Variants in IFNAR2 observed in about 807,000 individuals in gnomAD.
The protein encoded by IFNAR2 is interferon alpha and beta receptor subunit 2, also known as interferon alpha/beta receptor 2.
A neutral mutation model predicts 49.4 loss-of-function variants in IFNAR2; 30 were observed. The observed-to-expected ratio is 0.61, with a 90% CI of 0.45 to 0.82. The LOEUF is 0.82. Among genes scored for constraint, IFNAR2 ranks in the 40% least tolerant of loss-of-function variants. The pLI is 0.00. For synonymous variants in IFNAR2, 224 were observed against 234.5 expected (o/e 0.96, Z 0.41); for missense variants, 600 against 622.7 (o/e 0.96, Z 0.39).
chr21:33,256,189 C>T (rs1197968453), intron 7 of IFNAR2, among the ~76,000 whole-genome samples: 1 of 152,184 alleles, frequency 6.6e-6, no homozygotes, highest in Non-Finnish European at 1.5e-5. Flanking sequence ...TCTCCCCTGA[C>T]TCTTTTCCAT....
Position 33,230,398 on chromosome 21 carries a change from C to T in IFNAR2, c.-84+182C>T. On this transcript the variant is annotated intron_variant, in intron 1 of 8. Coordinates refer to ENST00000342136, the MANE Select transcript of IFNAR2 (RefSeq NM_001289125.3). This position sits in a 1 kb window ranked among gnomAD's most constrained non-coding sequence, Gnocchi z 5.5. Reference sequence around the variant, plus strand: ...TATGCGGCTAGTGCGCCCTTCCTCTCTCCCGGGGCCGCACCTGCGACCCCA... The same window carrying T: ...TATGCGGCTAGTGCGCCCTTCCTCTTTCCCGGGGCCGCACCTGCGACCCCA... The T allele has an allele frequency of 1.9e-6, 1 of 522,382 alleles. No individual in the cohort carries two copies. The allele number at this position is 522,382 out of a possible 1,614,324, so 32.4% of individuals were successfully genotyped here. A position where few individuals can be genotyped will look rare whatever the true frequency, so the allele number is the denominator to read the frequency against.
At position 33,253,717 on chromosome 21, in the gene IFNAR2, C is replaced by T. The variant is rs144243035; in HGVS notation, c.709+887C>T. On this transcript the variant is annotated intron_variant, in intron 7 of 8. Transcript: ENST00000342136. ...TTTATGATTATTTCTTGATGATATG[C>T]TAAACAAGGGGTGGATTATTCATGC... 5.3e-3 allele frequency among the ~76,000 whole-genome samples: 801 copies of T among 152,294 alleles called. 9 individuals are homozygous for T. The highest frequency in any genetic ancestry group is 0.019 in the African/African-American group (775 of 41,572).
intron 5 of IFNAR2, among the ~76,000 whole-genome samples, chr21:33,248,022 G>A (rs1243098959): frequency 1.3e-5 from 2 of 152,158 alleles, no homozygotes; most frequent in Non-Finnish European, 2.9e-5. Flanking sequence ...GTTAAAGAAT[G>A]CATATTAAAG....
intron 7 of IFNAR2, among the ~76,000 whole-genome samples, chr21:33,256,260 G>A (rs1012626723): frequency 2.6e-5 from 4 of 152,134 alleles, no homozygotes; most frequent in Non-Finnish European, 2.9e-5. Flanking sequence ...TTTACTTGGC[G>A]TGAATGCGTC....
At chr21:33,255,300 C>A (rs909667968) in intron 7 of IFNAR2, among the ~76,000 whole-genome samples, 1 of 152,056 alleles carries the variant, frequency 6.6e-6, no homozygotes, top group Admixed American at 6.6e-5. Context: ...TAGCACAGAC[C>A]CCACAGGTTA....
At chr21:33,249,947 C>G (rs1881941383) in intron 6 of IFNAR2, among the ~76,000 whole-genome samples, 1 of 152,026 alleles carries the variant, frequency 6.6e-6, no homozygotes, top group African/African-American at 2.4e-5. Context: ...GTGGCTGGAC[C>G]TGGTAGGAGT....
intron 4 of IFNAR2, among the ~76,000 whole-genome samples, chr21:33,245,487 C>T (rs904503281): frequency 6.6e-6 from 1 of 152,246 alleles, no homozygotes; most frequent in African/African-American, 2.4e-5. Context: ...CTTTTCTTTA[C>T]TCTGGTGGGA....
intron 2 of IFNAR2, among the ~76,000 whole-genome samples, chr21:33,242,758 CGTGTGT>C (rs375640331): frequency 0.059 from 4,543 of 76,448 alleles, 597 homozygotes; most frequent in East Asian, 0.095. Context: ...ATCTCGTGTG[CGTGTGT>C]GTGTGTGTGT....
At chr21:33,261,015 TGC>T (rs1988533818) in intron 8 of IFNAR2, among the ~76,000 whole-genome samples, 5 of 128,650 alleles carry the variant, frequency 3.9e-5, no homozygotes, top group Non-Finnish European at 8.4e-5. Context: ...TGTGCATCTG[TGC>T]ATTTTATGTT....
At chr21:33,249,329 G>T (rs1220158697) in intron 6 of IFNAR2, among the ~76,000 whole-genome samples, 1 of 126,048 alleles carries the variant, frequency 7.9e-6, no homozygotes, top group Non-Finnish European at 1.6e-5. Flanking sequence ...GGGTGACAGA[G>T]CAAGACTCCG....
At position 33,230,994 on chromosome 21, in the gene IFNAR2, T is replaced by G. The variant is rs1385245334; in HGVS notation, c.-84+778T>G. Among the ~76,000 whole-genome samples, 1 of 148,368 alleles carries G rather than the reference T, an allele frequency of 6.7e-6. No individual in the cohort carries two copies. The highest frequency in any genetic ancestry group is 1.5e-5 in the Non-Finnish European group (1 of 66,826). On this transcript the variant is annotated intron_variant, in intron 1 of 8. Coordinates refer to ENST00000342136, the MANE Select transcript of IFNAR2 (RefSeq NM_001289125.3). This position sits in a 1 kb window ranked among gnomAD's most constrained non-coding sequence, Gnocchi z 5.5. ...ATTGACTCTGAGTATTCCCACCTCC[T>G]TTCTTTTAACATTTTTTTTTTTATT...
chr21:33,242,022 A>T, intron 2 of IFNAR2, 45 bp downstream of exon 2: 1 of 1,587,176 alleles, frequency 6.3e-7, no homozygotes, highest in Admixed American at 1.7e-5. Flanking sequence ...GCAAGCTGTG[A>T]TGCCATCCTC....
rs929186257 is a variant in IFNAR2 at position 33,230,720 on chromosome 21, C to T, written c.-84+504C>T. On this transcript the variant is annotated intron_variant, in intron 1 of 8. Transcript: ENST00000342136. The surrounding 1 kb of genome is among the most constrained non-coding windows in gnomAD (Gnocchi z 5.5). ...CTGCGTCAGGGTCACAGACTGCAGC[C>T]GGGGCTGGAGCGGCCTACACCCCTC... Among the ~76,000 whole-genome samples, 1 of 152,130 alleles carries T rather than the reference C, an allele frequency of 6.6e-6. No homozygotes were observed.
intron 1 of IFNAR2, among the ~76,000 whole-genome samples, chr21:33,232,403 G>A (rs983054086): frequency 2.0e-5 from 3 of 152,158 alleles, no homozygotes; most frequent in African/African-American, 7.2e-5. Context: ...AGGTATGTAT[G>A]ATGGGGAGGA....
intron 7 of IFNAR2, among the ~76,000 whole-genome samples, chr21:33,258,856 C>G (rs1221742920): frequency 1.3e-5 from 2 of 152,116 alleles, no homozygotes; most frequent in African/African-American, 4.8e-5. Flanking sequence ...GCAGGTTGCT[C>G]TCCGTGATCT....
rs1177849079 is a variant in IFNAR2, at chr21:33,264,031, G to C, written c.*531G>C. ...CTGCCACCATGCCTAGCAAATTTTT[G>C]TATTTTTAGTAGAGACAGGATTTTA... On this transcript the variant is annotated 3_prime_UTR_variant, in exon 9 of 9. Coordinates refer to ENST00000342136, the MANE Select transcript of IFNAR2 (RefSeq NM_001289125.3). 1 of 152,904 alleles carries C rather than the reference G, an allele frequency of 6.5e-6. No individual in the cohort carries two copies. The highest frequency in any genetic ancestry group is 1.5e-5 in the Non-Finnish European group (1 of 68,816). The allele number at this position is 152,904 out of a possible 1,614,324, so 9.5% of individuals were successfully genotyped here.
Position 33,262,798 on chromosome 21 carries a change from T to A in IFNAR2, c.846T>A (p.Phe282Leu). The change falls in exon 9 of 9, where the codon TTT becomes TTA. Residue 282 changes from phenylalanine to leucine, a missense_variant. Physicochemically the swap from Phe to Leu is conservative, Grantham distance 22. Coordinates refer to ENST00000342136, the MANE Select transcript of IFNAR2 (RefSeq NM_001289125.3). ...TCTTTTTTTTTTTTTTTAAGAATTT[T>A]CATAACTTTTTAGCCTGGCCATTTC... Reference protein sequence around the residue: ...LRNSLPKVLNFHNFLAWPFPN... With the variant: ...LRNSLPKVLNLHNFLAWPFPN... 6.3e-7 allele frequency: 1 copy of A among 1,585,536 alleles called. No individual in the cohort carries two copies. The highest frequency in any genetic ancestry group is 1.2e-5 in the South Asian group (1 of 86,028).
intron 1 of IFNAR2, among the ~76,000 whole-genome samples, chr21:33,238,236 G>A (rs918313941): frequency 1.3e-5 from 2 of 152,076 alleles, no homozygotes; most frequent in Non-Finnish European, 2.9e-5. Context: ...CAGTCAACTC[G>A]TCTCTTACTG....
Position 33,232,406 on chromosome 21 carries a change from G to A in IFNAR2, c.-84+2190G>A, listed in dbSNP as rs17860125. ...AGGGAAAAAGAGAGGTATGTATGAT[G>A]GGGAGGAGTTCAGAGCCACTGAAAA... On this transcript the variant is annotated intron_variant, in intron 1 of 8. Coordinates refer to ENST00000342136, the MANE Select transcript of IFNAR2 (RefSeq NM_001289125.3). 1.7e-3 allele frequency among the ~76,000 whole-genome samples: 261 copies of A among 152,238 alleles called. 2 individuals are homozygous for A. Among genetic ancestry groups the A allele is most frequent in the African/African-American group, 6.2e-3 (257 of 41,516 alleles).
Sources: gnomAD v4.1 joint callset for allele counts (sites outside exome capture counted in the v4.1 genomes callset) on GRCh38, gnomAD v4.1.1 for gene constraint, Gnocchi (gnomAD v3.1) non-coding constraint, MANE v1.5 for transcripts, NCBI Gene and HGNC (gene_info 2026-07-23, HGNC 2026-07-21) for gene names.